DNAJB4: variants seen among roughly 807,000 people sequenced by gnomAD.
DNAJB4 encodes dnaJ homolog subfamily B member 4.
A neutral mutation model predicts 26.6 loss-of-function variants in DNAJB4; 10 were observed. The ratio of observed to expected loss-of-function variants is 0.38; its 90% CI spans 0.23 to 0.64. The LOEUF is 0.64. DNAJB4 is among the 30% of genes least tolerant of loss of function. The pLI is 0.58. For missense variants in DNAJB4, 328 were observed against 408.2 expected (o/e 0.80, Z 1.69); for synonymous variants, 136 against 134.8 (o/e 1.01, Z -0.06).
chr1:78,012,355 G>A (rs1242755375), intron 1 of DNAJB4, among the ~76,000 whole-genome samples: 2 of 150,730 alleles, frequency 1.3e-5, no homozygotes, highest in East Asian at 3.9e-4. Context: ...GTGGAGGCGG[G>A]GTTTCACTGT....
At chr1:77,987,184 T>C (rs1173371982) in intron 1 of DNAJB4, among the ~76,000 whole-genome samples, 2 of 152,236 alleles carry the variant, frequency 1.3e-5, no homozygotes, top group Non-Finnish European at 2.9e-5. Flanking sequence ...GTGCTAGGAC[T>C]CAATCCTTGT....
chr1:78,011,972 TTTGA>T (rs1660490955), intron 1 of DNAJB4, among the ~76,000 whole-genome samples: 3 of 148,634 alleles, frequency 2.0e-5, no homozygotes, highest in Admixed American at 6.7e-5. Flanking sequence ...ATATATATTG[TTTGA>T]TTGTAATAAA....
chr1:77,979,248 C>T, upstream of DNAJB4: 1 of 472,406 alleles, frequency 2.1e-6, no homozygotes, highest in Non-Finnish European at 3.8e-6. Context: ...TAAGACTTCG[C>T]GAGAACAGAA....
chr1:77,979,372 G>A (rs1487401533), upstream of DNAJB4: 5 of 231,144 alleles, frequency 2.2e-5, no homozygotes, highest in East Asian at 7.1e-5. Context: ...GTGGTGGGAA[G>A]CCTGAAGAAA....
In DNAJB4 at chr1:78,009,020, AGG is replaced by A. The variant is rs561940502; in HGVS notation, c.211+3700_211+3701del. Among the ~76,000 whole-genome samples the A allele has an allele frequency of 9.1e-3, 1,382 of 152,212 alleles. 16 individuals are homozygous for A. The highest frequency in any genetic ancestry group is 0.029 in the African/African-American group (1,218 of 41,564). On this transcript the variant is annotated intron_variant, in intron 1 of 2. Transcript: ENST00000370763. ...TTATTCAGTAACTTCAAATATTAAA[AGG>A]TAGTGTTTAAATGATAAAACTTGTA...
At chr1:77,995,900 T>G (rs916684517) in intron 1 of DNAJB4, among the ~76,000 whole-genome samples, 2 of 152,152 alleles carry the variant, frequency 1.3e-5, no homozygotes, top group Non-Finnish European at 2.9e-5. Flanking sequence ...GAGCCCAGAC[T>G]GTGCCATTGC....
intron 1 of DNAJB4, among the ~76,000 whole-genome samples, chr1:77,997,218 G>T (rs1474913158): frequency 6.6e-6 from 1 of 150,794 alleles, no homozygotes; most frequent in East Asian, 1.9e-4. Flanking sequence ...AGTTGCACAT[G>T]CCTGTAATCC....
intron 1 of DNAJB4, among the ~76,000 whole-genome samples, chr1:77,996,276 C>T (rs962326670): frequency 6.6e-6 from 1 of 152,074 alleles, no homozygotes; most frequent in Non-Finnish European, 1.5e-5. Flanking sequence ...GCCTGAGCCT[C>T]CTGAGTAGCT....
intron 1 of DNAJB4, among the ~76,000 whole-genome samples, chr1:77,984,717 A>G (rs915894170): frequency 1.3e-5 from 2 of 152,200 alleles, no homozygotes; most frequent in African/African-American, 2.4e-5. Context: ...TAAAAGTTTA[A>G]TAAATATCAA....
At chr1:78,004,558 G>A (rs980693965), upstream of DNAJB4, 6 of 152,174 alleles carry the variant, frequency 3.9e-5, no homozygotes, top group African/African-American at 1.4e-4. Context: ...AATCCCTAAA[G>A]TAGAATTGTC....
chr1:77,995,820 C>T (rs1011500331), intron 1 of DNAJB4, among the ~76,000 whole-genome samples: 3 of 152,102 alleles, frequency 2.0e-5, no homozygotes, highest in Non-Finnish European at 4.4e-5. Context: ...GTGGCACATG[C>T]CTGTAGTCCC....
At chr1:77,988,294 A>G (rs1481701447) in intron 1 of DNAJB4, among the ~76,000 whole-genome samples, 1 of 152,030 alleles carries the variant, frequency 6.6e-6, no homozygotes, top group East Asian at 1.9e-4. Flanking sequence ...AAGTGCTGGG[A>G]TTACAGGTCT....
At chr1:78,000,465 C>G (rs981933138), upstream of DNAJB4, among the ~76,000 whole-genome samples, 1 of 152,160 alleles carries the variant, frequency 6.6e-6, no homozygotes, top group Non-Finnish European at 1.5e-5. Flanking sequence ...TACCAGGATT[C>G]TAACCCAGGC....
chr1:77,997,423 C>G (rs1472632129), intron 1 of DNAJB4, among the ~76,000 whole-genome samples: 1 of 151,508 alleles, frequency 6.6e-6, no homozygotes, highest in African/African-American at 2.4e-5. Flanking sequence ...ACTTGGGAGG[C>G]TGAGCCCAGG....
At chr1:77,994,579 CTCTCT>C (rs1417333081) in intron 1 of DNAJB4, among the ~76,000 whole-genome samples, 12 of 71,012 alleles carry the variant, frequency 1.7e-4, no homozygotes, top group South Asian at 6.1e-4. Context: ...AAACTACTCT[CTCTCT>C]TTTTTTTTTT....
intron 1 of DNAJB4, among the ~76,000 whole-genome samples, chr1:77,984,745 A>C (rs1157485202): frequency 6.6e-6 from 1 of 152,174 alleles, no homozygotes. Flanking sequence ...TCTTTATTCC[A>C]CTTATCATTT....
chr1:77,982,430 AAT>A (rs1435155198), intron 1 of DNAJB4, among the ~76,000 whole-genome samples: 1 of 152,238 alleles, frequency 6.6e-6, no homozygotes, highest in Non-Finnish European at 1.5e-5. Context: ...CCAGATTAAA[AAT>A]AGTCTTTTCT....
At chr1:77,993,703 G>T (rs1040986611) in intron 1 of DNAJB4, among the ~76,000 whole-genome samples, 1 of 152,128 alleles carries the variant, frequency 6.6e-6, no homozygotes. Context: ...GCACAGTGGG[G>T]TCTCAGTAAT....
intron 1 of DNAJB4, among the ~76,000 whole-genome samples, chr1:77,980,798 A>G (rs1454346299): frequency 6.6e-6 from 1 of 152,144 alleles, no homozygotes; most frequent in East Asian, 1.9e-4. Flanking sequence ...TTTCCCTTTA[A>G]TCAGCTTTTA....
Sources: allele counts gnomAD v4.1 joint callset (sites outside exome capture counted in the v4.1 genomes callset), GRCh38; gene constraint gnomAD v4.1.1; transcripts MANE v1.5; gene names NCBI Gene and HGNC (gene_info 2026-07-23, HGNC 2026-07-21).